ANO3: variants seen among roughly 807,000 people sequenced by gnomAD.
The protein encoded by ANO3 is anoctamin-3.
ANO3 carries 99 observed loss-of-function variants against 144.8 expected under a neutral mutation model. The ratio of observed to expected loss-of-function variants is 0.68; its 90% CI spans 0.58 to 0.81. The LOEUF (loss-of-function observed/expected upper bound fraction) is 0.81. Ranked by LOEUF, ANO3 falls within the 30% of genes least tolerant of loss-of-function variation. The pLI, the probability that ANO3 is intolerant of heterozygous loss-of-function variation, is 0.00. For missense variants in ANO3, 905 were observed against 1,202.2 expected (o/e 0.75, Z 3.66); for synonymous variants, 414 against 392.6 (o/e 1.05, Z -0.64).
chr11:26,629,008 T>C lies in ANO3; in HGVS notation c.1873+4510T>C, dbSNP rs1031981873. Among the ~76,000 whole-genome samples, 6 of 152,046 alleles carry C rather than the reference T, an allele frequency of 3.9e-5. No homozygotes were observed. In the South Asian group the frequency reaches 1.2e-3, roughly 32 times the overall value. Reference sequence around the variant, plus strand: ...CTTCTGCTTGCATTTTACTTGCATATCCAATCTCCTCTTGGTGAAGGCAAG... The same window carrying C: ...CTTCTGCTTGCATTTTACTTGCATACCCAATCTCCTCTTGGTGAAGGCAAG... On this transcript the variant is annotated intron_variant, in intron 18 of 26. Transcript: ENST00000256737.
At chr11:26,533,824 G>A (rs941776789) in intron 8 of ANO3, among the ~76,000 whole-genome samples, 31 of 152,284 alleles carry the variant, frequency 2.0e-4, no homozygotes, top group Middle Eastern at 3.4e-3. Flanking sequence ...TGACACAATG[G>A]CGATTTATCA....
chr11:26,345,596 T>C (rs1855479347), intron 1 of ANO3, among the ~76,000 whole-genome samples: 1 of 152,166 alleles, frequency 6.6e-6, no homozygotes, highest in Admixed American at 6.5e-5. Flanking sequence ...ATGTGAATTG[T>C]ACTTAGCAGG....
intron 4 of ANO3, among the ~76,000 whole-genome samples, chr11:26,507,687 G>A (rs1169540174): frequency 2.2e-4 from 34 of 152,172 alleles, no homozygotes. Context: ...TAGTATATAG[G>A]ATAAAATATT....
intron 1 of ANO3, among the ~76,000 whole-genome samples, chr11:26,191,445 C>T (rs1202842657): frequency 6.6e-6 from 1 of 151,952 alleles, no homozygotes; most frequent in Admixed American, 6.6e-5. Context: ...ACACCTGTAT[C>T]GACTCCTAAC....
At chr11:26,518,233 T>C (rs77064194) in intron 6 of ANO3, among the ~76,000 whole-genome samples, 16,704 of 152,032 alleles carry the variant, frequency 0.11, 1,283 homozygotes, top group Admixed American at 0.15. Flanking sequence ...TATAACCTTC[T>C]AAAAAGTCTT....
At chr11:26,586,871 G>A (rs958472379) in intron 14 of ANO3, among the ~76,000 whole-genome samples, 1 of 151,948 alleles carries the variant, frequency 6.6e-6, no homozygotes, top group Non-Finnish European at 1.5e-5. Context: ...GGAGCCCAGA[G>A]TTAACTATGC....
intron 1 of ANO3, among the ~76,000 whole-genome samples, chr11:26,392,671 A>G (rs1461383): frequency 0.12 from 18,955 of 152,102 alleles, 1,326 homozygotes; most frequent in Admixed American, 0.19. Context: ...TCTAAGTACT[A>G]CTATAAAATG....
At chr11:26,474,199 G>T in intron 4 of ANO3, 1 of 664,914 alleles carries the variant, frequency 1.5e-6, no homozygotes, top group Non-Finnish European at 1.9e-6. Flanking sequence ...ATGTAGAGAA[G>T]CCAATTGAGA....
At chr11:26,557,811 C>T (rs1850132996) in intron 13 of ANO3, among the ~76,000 whole-genome samples, 1 of 152,164 alleles carries the variant, frequency 6.6e-6, no homozygotes, top group Non-Finnish European at 1.5e-5. Context: ...TATGTCAGCA[C>T]CCTAAATAAA....
chr11:26,246,965 T>C (rs570362354), intron 1 of ANO3, among the ~76,000 whole-genome samples: 6 of 152,336 alleles, frequency 3.9e-5, no homozygotes, highest in African/African-American at 7.2e-5. Flanking sequence ...GTATTTCTTA[T>C]AGCAGCATGA....
chr11:26,483,408 G>C (rs1459961501), intron 4 of ANO3, among the ~76,000 whole-genome samples: 1 of 152,120 alleles, frequency 6.6e-6, no homozygotes, highest in African/African-American at 2.4e-5. Flanking sequence ...GGATGTGATT[G>C]GATCATGGGG....
At chr11:26,412,845 G>A (rs1358672818) in intron 1 of ANO3, among the ~76,000 whole-genome samples, 1 of 81,792 alleles carries the variant, frequency 1.2e-5, no homozygotes, top group Non-Finnish European at 2.8e-5. Flanking sequence ...TGCATTATTG[G>A]GTAAAGTAAA....
intron 1 of ANO3, among the ~76,000 whole-genome samples, chr11:26,226,337 C>T (rs1852256657): frequency 6.6e-6 from 1 of 151,590 alleles, no homozygotes; most frequent in East Asian, 1.9e-4. Context: ...AAAAAATAAA[C>T]TATTACATTA....
chr11:26,647,744 T>C lies in ANO3; in HGVS notation c.2464T>C (p.Leu822=). The C allele has an allele frequency of 1.2e-6, 2 of 1,612,584 alleles. No homozygotes were observed. The highest frequency in any genetic ancestry group is 1.7e-6 in the Non-Finnish European group (2 of 1,179,068). ...WLGILEGIGI[L]AVITNAFVIA... is the part of the protein sequence containing the mutation. Reference sequence around the variant, plus strand: ...TGGAATTCTCGAAGGAATCGGTATATTGGCTGTGATCACCAATGCATTTGT... The same window carrying C: ...TGGAATTCTCGAAGGAATCGGTATACTGGCTGTGATCACCAATGCATTTGT... The change falls in exon 24 of 27, where the codon TTG becomes CTG. Residue 822 remains leucine, a synonymous_variant. Coordinates refer to ENST00000256737, the MANE Select transcript of ANO3 (RefSeq NM_031418.4).
At chr11:26,410,804 A>G (rs1468887425) in intron 1 of ANO3, among the ~76,000 whole-genome samples, 4 of 152,004 alleles carry the variant, frequency 2.6e-5, no homozygotes, top group Non-Finnish European at 5.9e-5. Context: ...AGCCATTGAC[A>G]ATTTTGAAGC....
At chr11:26,256,991 A>C (rs1332569192) in intron 1 of ANO3, among the ~76,000 whole-genome samples, 1 of 152,068 alleles carries the variant, frequency 6.6e-6, no homozygotes, top group Non-Finnish European at 1.5e-5. Context: ...CCCCAGCAAA[A>C]AAATTATCCA....
intron 1 of ANO3, among the ~76,000 whole-genome samples, chr11:26,390,085 T>G (rs1055535264): frequency 7.2e-5 from 11 of 152,126 alleles, no homozygotes; most frequent in African/African-American, 2.7e-4. Flanking sequence ...TTAACATGGT[T>G]CTCTCTTTTA....
intron 4 of ANO3, among the ~76,000 whole-genome samples, chr11:26,489,651 A>C (rs1292726900): frequency 6.6e-6 from 1 of 152,242 alleles, no homozygotes; most frequent in Non-Finnish European, 1.5e-5. Flanking sequence ...GAACTGCCCA[A>C]GACTGTAGGA....
intron 3 of ANO3, among the ~76,000 whole-genome samples, chr11:26,457,882 A>G (rs1012903680): frequency 2.0e-5 from 3 of 152,096 alleles, no homozygotes; most frequent in Non-Finnish European, 2.9e-5. Flanking sequence ...TGTTCCAGAA[A>G]GCTGTTGTCT....
Sources: gnomAD v4.1 joint callset for allele counts (sites outside exome capture counted in the v4.1 genomes callset) on GRCh38, gnomAD v4.1.1 for gene constraint, MANE v1.5 for transcripts, NCBI Gene and HGNC (gene_info 2026-07-23, HGNC 2026-07-21) for gene names.